KDM4B: variants seen among roughly 807,000 people sequenced by gnomAD.
KDM4B encodes the protein lysine demethylase 4B.
KDM4B carries 32 observed loss-of-function variants against 125.2 expected under a neutral mutation model. The ratio of observed to expected loss-of-function variants is 0.26; its 90% CI spans 0.19 to 0.34. The LOEUF is 0.34. KDM4B is among the 10% of genes least tolerant of loss of function. The pLI, the probability that KDM4B is intolerant of heterozygous loss-of-function variation, is 1.00. For missense variants in KDM4B, 1,190 were observed against 1,577.7 expected (o/e 0.75, Z 4.16); for synonymous variants, 721 against 677.9 (o/e 1.06, Z -0.99).
chr19:5,087,991 T>A (rs968542627), intron 9 of KDM4B, among the ~76,000 whole-genome samples: 1 of 152,198 alleles, frequency 6.6e-6, no homozygotes, highest in African/African-American at 2.4e-5. Flanking sequence ...TTTCGGGAGC[T>A]AAATGCCAGG....
Position 5,052,206 on chromosome 19 carries a change from A to G in KDM4B, c.626+4537A>G, listed in dbSNP as rs181096695. 7.2e-5 allele frequency among the ~76,000 whole-genome samples: 11 copies of G among 152,242 alleles called. No homozygotes were observed. The East Asian group carries it at 7.7e-4, about 11-fold the overall frequency. On this transcript the variant is annotated intron_variant, in intron 6 of 22. Transcript: ENST00000159111. ...TGGCGTTTTCCCTCATGGGAATTTC[A>G]CAGCATCTTTTCTTCTTGCTGCCAG...
chr19:5,150,239 CCT>C (rs2039922681), intron 21 of KDM4B, 117 bp from the exon 22 acceptor site: 1 of 680,150 alleles, frequency 1.5e-6, no homozygotes, highest in African/African-American at 1.8e-5. Flanking sequence ...CTGCATGTGG[CCT>C]CTAGCGGGCC....
chr19:5,132,055 T>TCTG (rs1297381676), intron 13 of KDM4B, 48 bp downstream of exon 13: 2 of 1,522,590 alleles, frequency 1.3e-6, no homozygotes, highest in Non-Finnish European at 8.8e-7. Flanking sequence ...TGCTCCGCGC[T>TCTG]CTGCTGCTGC....
intron 6 of KDM4B, among the ~76,000 whole-genome samples, chr19:5,055,653 G>A (rs1012071146): frequency 1.3e-5 from 2 of 152,164 alleles, no homozygotes; most frequent in African/African-American, 2.4e-5. Flanking sequence ...CGAGTGTCGG[G>A]TGGTGGCCGT....
At position 5,082,348 on chromosome 19, in the gene KDM4B, G is replaced by A. The variant is rs894645298; in HGVS notation, c.781-19G>A. ...GCCTCTGGTGGCCCTGCCCTCACCT[G>A]TCTCCTTTCCCTCTGCAGATCACGC... On this transcript the variant is annotated intron_variant, in intron 8 of 22. Transcript: ENST00000159111. The surrounding 1 kb of genome is among the most constrained non-coding windows in gnomAD (Gnocchi z 5.4). The A allele has an allele frequency of 6.2e-7, 1 of 1,613,192 alleles. No individual in the cohort carries two copies. Among genetic ancestry groups the A allele is most frequent in the Middle Eastern group, 1.7e-4 (1 of 6,060 alleles).
chr19:5,144,449 T>A, intron 20 of KDM4B, 37 bp downstream of exon 20: 2 of 1,315,594 alleles, frequency 1.5e-6, no homozygotes, highest in Non-Finnish European at 9.9e-7. Flanking sequence ...GGGGGGAGGC[T>A]GGGAGCACAG....
intron 3 of KDM4B, 66 bp from the exon 4 acceptor site, chr19:5,039,770 C>G: frequency 6.5e-7 from 1 of 1,550,348 alleles, no homozygotes; most frequent in South Asian, 1.2e-5. Context: ...GCCGGTGGCA[C>G]AGTCTGCTCT....
chr19:5,000,367 A>G (rs2035346700), intron 1 of KDM4B, among the ~76,000 whole-genome samples: 1 of 151,138 alleles, frequency 6.6e-6, no homozygotes, highest in South Asian at 2.1e-4. Context: ...CCAACCGTCC[A>G]TCTGTTCATT....
At chr19:5,122,721 G>A (rs2039383054) in intron 11 of KDM4B, among the ~76,000 whole-genome samples, 1 of 152,206 alleles carries the variant, frequency 6.6e-6, no homozygotes, top group African/African-American at 2.4e-5. Context: ...TGAGGACCAG[G>A]AGGGGCTCAG....
chr19:5,136,551 G>A (rs111540334), intron 15 of KDM4B, among the ~76,000 whole-genome samples: 1 of 152,180 alleles, frequency 6.6e-6, no homozygotes, highest in East Asian at 1.9e-4. Context: ...CCCCGGGGCA[G>A]ATGGGCTCCC....
At chr19:5,040,090 G>T in intron 4 of KDM4B, 79 bp downstream of exon 4, 1 of 1,441,538 alleles carries the variant, frequency 6.9e-7, no homozygotes, top group Non-Finnish European at 9.3e-7. Flanking sequence ...GGGCAGAGAA[G>T]GTGCGGTACA....
Position 5,144,200 on chromosome 19 carries a change from C to G in KDM4B, c.2736+48C>G, listed in dbSNP as rs372464369. 1.5e-5 allele frequency: 23 copies of G among 1,584,996 alleles called. No homozygotes were observed. In the African/African-American group the frequency reaches 2.8e-4, roughly 19 times the overall value. On this transcript the variant is annotated intron_variant, in intron 19 of 22. Coordinates refer to ENST00000159111, the MANE Select transcript of KDM4B (RefSeq NM_015015.3). ...GCCCCCAGCCCCTGGCTCCCGCCCC[C>G]ACCGACACCCGCGCTGACCGCCCCC...
chr19:5,105,061 G>C (rs2039009054), intron 9 of KDM4B, among the ~76,000 whole-genome samples: 1 of 152,200 alleles, frequency 6.6e-6, no homozygotes, highest in Non-Finnish European at 1.5e-5. Context: ...TGAGGCTGAG[G>C]TGCAAATGGC....
chr19:5,102,271 G>A (rs1490263160), intron 9 of KDM4B, among the ~76,000 whole-genome samples: 13 of 152,220 alleles, frequency 8.5e-5, no homozygotes, highest in Admixed American at 3.9e-4. Context: ...GTGGCTTCAG[G>A]AGAGAGATGG....
intron 6 of KDM4B, among the ~76,000 whole-genome samples, chr19:5,068,490 G>A (rs1054651212): frequency 1.2e-4 from 19 of 152,252 alleles, no homozygotes; most frequent in African/African-American, 3.6e-4. Flanking sequence ...TGGACGGAGC[G>A]TGGCGCCTCC....
At chr19:5,149,020 T>C (rs1194361499) in intron 21 of KDM4B, among the ~76,000 whole-genome samples, 1 of 152,160 alleles carries the variant, frequency 6.6e-6, no homozygotes, top group Non-Finnish European at 1.5e-5. Context: ...CCAGCCCTGC[T>C]TCTCCCGCCG....
chr19:5,128,627 G>A (rs1389196536), intron 11 of KDM4B, among the ~76,000 whole-genome samples: 1 of 152,164 alleles, frequency 6.6e-6, no homozygotes, highest in Non-Finnish European at 1.5e-5. Context: ...TGAGGCGTGC[G>A]GCCTCTGCAG....
At chr19:4,993,664 G>A (rs1215016428) in intron 1 of KDM4B, among the ~76,000 whole-genome samples, 1 of 151,760 alleles carries the variant, frequency 6.6e-6, no homozygotes, top group East Asian at 1.9e-4. Context: ...AGTCTGGAGT[G>A]CAGTGTTGCG....
At chr19:4,979,640 C>G (rs1305906515) in intron 1 of KDM4B, among the ~76,000 whole-genome samples, 1 of 152,216 alleles carries the variant, frequency 6.6e-6, no homozygotes, top group Admixed American at 6.5e-5. Flanking sequence ...AGAAGCCATT[C>G]CTGTCACCAG....
Sources: gnomAD v4.1 joint callset for allele counts (sites outside exome capture counted in the v4.1 genomes callset) on GRCh38, gnomAD v4.1.1 for gene constraint, Gnocchi (gnomAD v3.1) non-coding constraint, MANE v1.5 for transcripts, NCBI Gene and HGNC (gene_info 2026-07-23, HGNC 2026-07-21) for gene names.